NMNAT1: variants seen among roughly 807,000 people sequenced by gnomAD.
NMNAT1 encodes the protein nicotinamide/nicotinic acid mononucleotide adenylyltransferase 1.
In NMNAT1, 11 loss-of-function variants were observed where a neutral mutation model predicts 16.7. The observed-to-expected ratio is 0.66, with a 90% CI of 0.41 to 1.09. The LOEUF is 1.09. Among genes scored for constraint, NMNAT1 ranks in the 50% least tolerant of loss-of-function variants. The pLI is 0.00. For missense variants in NMNAT1, 280 were observed against 332.3 expected, an observed-to-expected ratio of 0.84 and a Z score of 1.22; for synonymous variants, 110 against 119.8, an observed-to-expected ratio of 0.92 and a Z score of 0.53.
In NMNAT1 at chr1:9,982,546, G is replaced by T. The variant is rs1641972290; in HGVS notation, c.685G>T (p.Ala229Ser). 2 of 1,614,182 alleles carry T rather than the reference G, an allele frequency of 1.2e-6. No homozygotes were observed. Among genetic ancestry groups the T allele is most frequent in the African/African-American group, 2.7e-5 (2 of 75,044 alleles). Residue 229 changes from alanine (A) to serine (S), a missense_variant, in exon 5 of 5, where the codon GCC (alanine) becomes TCC (serine). By Grantham distance (99) the Ala-to-Ser change is moderately conservative. Coordinates refer to ENST00000377205, the MANE Select transcript of NMNAT1 (RefSeq NM_022787.4). ...CATCTCATCCACAAAAATCCGGAGAGCCCTCAGAAGGGGCCAGAGCATTCG... is the reference window on the plus strand; with the variant it reads ...CATCTCATCCACAAAAATCCGGAGATCCCTCAGAAGGGGCCAGAGCATTCG... ...NDISSTKIRRALRRGQSIRYL... is the reference protein window; with the variant it reads ...NDISSTKIRRSLRRGQSIRYL...
chr1:9,990,086 C>T (rs72859550), downstream of NMNAT1, among the ~76,000 whole-genome samples: 1,125 of 152,358 alleles, frequency 7.4e-3, 16 homozygotes, highest in African/African-American at 0.026. Context: ...ATTCCAGTTC[C>T]TGCCAATGAA....
In NMNAT1 at chr1:9,955,328, C is replaced by G. The variant is rs568824357; in HGVS notation, c.-57+11813C>G. On this transcript the variant is annotated intron_variant, in intron 1 of 4. Coordinates refer to ENST00000377205, the MANE Select transcript of NMNAT1 (RefSeq NM_022787.4). The stretch of plus-strand genomic sequence containing the variant: ...CTGAGGCAGGAGAATCGCTTGAACC[C>G]GGGAGGCGGAGGTTGCAGTGAGCTG... Among the ~76,000 whole-genome samples, 3 of 143,760 alleles carry G rather than the reference C, an allele frequency of 2.1e-5. No individual in the cohort carries two copies. In the South Asian group the frequency reaches 6.7e-4, roughly 32 times the overall value. The allele number at this position is 143,760 out of a possible 152,430, so 94.3% of individuals were successfully genotyped here. A position where few individuals can be genotyped will look rare whatever the true frequency, so the allele number is the denominator to read the frequency against.
the NMNAT1 span, among the ~76,000 whole-genome samples, chr1:9,992,087 A>ATTT: frequency 7.2e-5 from 10 of 139,754 alleles, no homozygotes; most frequent in Non-Finnish European, 1.2e-4. Flanking sequence ...TTAGGTTTAG[A>ATTT]TTTTTTTTTT....
At chr1:9,946,369 C>T (rs985437701) in intron 1 of NMNAT1, among the ~76,000 whole-genome samples, 1 of 152,172 alleles carries the variant, frequency 6.6e-6, no homozygotes, top group Non-Finnish European at 1.5e-5. Flanking sequence ...GGAGACAGCA[C>T]TGGGGAAAGT....
chr1:9,945,349 G>A (rs1640955171), intron 1 of NMNAT1, among the ~76,000 whole-genome samples: 1 of 152,142 alleles, frequency 6.6e-6, no homozygotes, highest in South Asian at 2.1e-4. Context: ...TGGGTAAAAT[G>A]GAATTCACAG....
At chr1:9,979,200 G>T (rs1402798195) in intron 3 of NMNAT1, among the ~76,000 whole-genome samples, 4 of 152,128 alleles carry the variant, frequency 2.6e-5, no homozygotes, top group Admixed American at 1.3e-4. Context: ...GATCATGGTG[G>T]CTCACATCTA....
chr1:9,976,024 C>A (rs986468523), intron 3 of NMNAT1, among the ~76,000 whole-genome samples: 1 of 152,090 alleles, frequency 6.6e-6, no homozygotes, highest in African/African-American at 2.4e-5. Context: ...CGGTGGCTCA[C>A]GCCTGTAATG....
chr1:9,988,120 C>T (rs1370971921), downstream of NMNAT1, among the ~76,000 whole-genome samples: 1 of 151,936 alleles, frequency 6.6e-6, no homozygotes, highest in African/African-American at 2.4e-5. Flanking sequence ...GCCTCAGCTT[C>T]CCGAGTAGCT....
At position 9,972,235 on chromosome 1, in the gene NMNAT1, G is replaced by T. The variant is rs765833953; in HGVS notation, c.115+47G>T. 1.4e-5 allele frequency: 14 copies of T among 984,300 alleles called. No homozygotes were observed. In the East Asian group the frequency reaches 3.4e-4, roughly 24 times the overall value. 61.0% of individuals were successfully genotyped at this position (984,300 alleles called of 1,614,324 possible). ...GGCTTAAGACTAGAGAACCAGCCGG[G>T]TGCAGTGGCTCACACCTGCAATCCC... On this transcript the variant is annotated intron_variant, in intron 2 of 4. Transcript: ENST00000377205.
At chr1:9,980,898 C>G in intron 3 of NMNAT1, 133 bp from the exon 4 acceptor site, 1 of 843,070 alleles carries the variant, frequency 1.2e-6, no homozygotes, top group Non-Finnish European at 1.7e-6. Flanking sequence ...CCTCGTGATC[C>G]GCCCACCTCG....
chr1:9,969,078 T>C (rs1641630091), intron 1 of NMNAT1, among the ~76,000 whole-genome samples: 1 of 152,092 alleles, frequency 6.6e-6, no homozygotes, highest in African/African-American at 2.4e-5. Context: ...CTCTTAACTC[T>C]TCTGTTATAT....
At position 9,983,332 on chromosome 1, in the gene NMNAT1, GC is replaced by G. The variant is rs1375949342; in HGVS notation, c.*632del. 6.7e-6 allele frequency: 1 copy of G among 149,626 alleles called. No individual in the cohort carries two copies. Among genetic ancestry groups the G allele is most frequent in the Non-Finnish European group, 1.5e-5 (1 of 67,544 alleles). The allele number at this position is 149,626 out of a possible 1,614,324, so 9.3% of individuals were successfully genotyped here. A position where few individuals can be genotyped will look rare whatever the true frequency, so the allele number is the denominator to read the frequency against. ...GTTGTGCCACTGCACTCCAGCCTGGGCAAAAAAGCAAAACTCCATCTCAAAG... is the reference window on the plus strand; with the variant it reads ...GTTGTGCCACTGCACTCCAGCCTGGGAAAAAAGCAAAACTCCATCTCAAAG... On this transcript the variant is annotated 3_prime_UTR_variant, in exon 5 of 5. Coordinates refer to ENST00000377205, the MANE Select transcript of NMNAT1 (RefSeq NM_022787.4).
chr1:9,972,238 C>G (rs753059568), intron 2 of NMNAT1, 50 bp downstream of exon 2: 1 of 923,400 alleles, frequency 1.1e-6, no homozygotes, highest in South Asian at 1.3e-5. Context: ...CAGCCGGGTG[C>G]AGTGGCTCAC....
rs1641991944 is a variant in NMNAT1 at position 9,983,394 on chromosome 1, C to T, written c.*693C>T. Reference sequence around the variant, plus strand: ...AAAAGACCGGGTGTGGTGGCTCACACCTGTAATCCCAGCACTTTGGGAGGC... The same window carrying T: ...AAAAGACCGGGTGTGGTGGCTCACATCTGTAATCCCAGCACTTTGGGAGGC... On this transcript the variant is annotated 3_prime_UTR_variant, in exon 5 of 5. Transcript: ENST00000377205. The T allele has an allele frequency of 6.6e-6, 1 of 151,430 alleles. No individual in the cohort carries two copies. The highest frequency in any genetic ancestry group is 2.4e-5 in the African/African-American group (1 of 41,136). The allele number at this position is 151,430 out of a possible 1,614,324, so 9.4% of individuals were successfully genotyped here. A position where few individuals can be genotyped will look rare whatever the true frequency, so the allele number is the denominator to read the frequency against.
Position 9,983,862 on chromosome 1 carries a change from C to T in NMNAT1, c.*1161C>T, listed in dbSNP as rs1179154569. On this transcript the variant is annotated 3_prime_UTR_variant, in exon 5 of 5. Coordinates refer to ENST00000377205, the MANE Select transcript of NMNAT1 (RefSeq NM_022787.4). ...TTTGGACTTCCTCTGGGAAACTACA[C>T]CTAGTTCATCTGAAGTGTCACGTAA... The T allele has an allele frequency of 6.6e-6, 1 of 152,110 alleles. No homozygotes were observed. Among genetic ancestry groups the T allele is most frequent in the East Asian group, 1.9e-4 (1 of 5,184 alleles). 9.4% of individuals were successfully genotyped at this position (152,110 alleles called of 1,614,324 possible).
intron 1 of NMNAT1, among the ~76,000 whole-genome samples, chr1:9,970,801 AATTAT>A (rs894353144): frequency 4.6e-5 from 7 of 152,182 alleles, no homozygotes; most frequent in African/African-American, 1.7e-4. Context: ...GAGGTTTGTA[AATTAT>A]ATTCTATTAT....
chr1:9,945,632 G>A (rs1050484617), intron 1 of NMNAT1, among the ~76,000 whole-genome samples: 3 of 152,146 alleles, frequency 2.0e-5, no homozygotes, highest in Non-Finnish European at 1.5e-5. Flanking sequence ...CCCGGCAGGC[G>A]GAGGTTGCAG....
chr1:9,951,328 G>T (rs1480691402), intron 1 of NMNAT1: 1 of 152,142 alleles, frequency 6.6e-6, no homozygotes, highest in African/African-American at 2.4e-5. Context: ...GTGCTATGAG[G>T]AATACTTTGT....
intron 1 of NMNAT1, among the ~76,000 whole-genome samples, chr1:9,959,373 GAAAAAAA>G (rs70998331): frequency 0.93 from 109,909 of 117,640 alleles, 51,667 homozygotes; most frequent in East Asian, 0.99. Context: ...CTCCATCTTG[GAAAAAAA>G]AAAAAAAAAA....
Sources: allele counts gnomAD v4.1 joint callset (sites outside exome capture counted in the v4.1 genomes callset), GRCh38; gene constraint gnomAD v4.1.1; transcripts MANE v1.5; gene names NCBI Gene and HGNC (gene_info 2026-07-23, HGNC 2026-07-21).